The following TNIK variants were observed in gnomAD, a reference collection of about 807,000 sequenced individuals.
TNIK encodes TRAF2 and NCK-interacting protein kinase.
Under a neutral mutation model 191.3 loss-of-function variants are expected in TNIK, and 49 were observed. The ratio of observed to expected loss-of-function variants is 0.26; its 90% CI spans 0.20 to 0.32. TNIK has a LOEUF of 0.32. TNIK is among the 10% of genes least tolerant of loss of function. TNIK has a pLI of 1.00. For missense variants in TNIK, 1,155 were observed against 1,702.3 expected, an observed-to-expected ratio of 0.68 and a Z score of 5.66; for synonymous variants, 594 against 600.9, an observed-to-expected ratio of 0.99 and a Z score of 0.17.
At chr3:171,167,679 G>A (rs1734771684) in intron 9 of TNIK, among the ~76,000 whole-genome samples, 1 of 152,182 alleles carries the variant, frequency 6.6e-6, no homozygotes, top group Admixed American at 6.5e-5. Context: ...TATGTAGGAT[G>A]ACAGTGAAAA....
rs565661726 is a variant in TNIK, at chr3:171,168,690, G to A, written c.774-1420C>T. On this transcript the variant is annotated intron_variant, in intron 9 of 32. Transcript: ENST00000436636. ...TGGGGTTGCCCCAGGATGAATCAGC[G>A]TTGGCCACACTGTGGACTAGAAATA... Among the ~76,000 whole-genome samples the A allele has an allele frequency of 4.3e-4, 66 of 152,216 alleles. 2 individuals are homozygous for A. The highest frequency in any genetic ancestry group is 1.5e-3 in the African/African-American group (61 of 41,514).
intron 2 of TNIK, among the ~76,000 whole-genome samples, chr3:171,327,906 A>AAAAAAAAAAAC: frequency 1.8e-5 from 1 of 54,098 alleles, no homozygotes; most frequent in Non-Finnish European, 3.5e-5. Context: ...CTCATAAAAA[A>AAAAAAAAAAAC]AAAAAAAAAA....
At chr3:171,144,727 C>T (rs943467527) in intron 12 of TNIK, among the ~76,000 whole-genome samples, 3 of 152,186 alleles carry the variant, frequency 2.0e-5, no homozygotes, top group African/African-American at 4.8e-5. Context: ...TTATTCCTCT[C>T]GTCTATAGCT....
chr3:171,272,300 G>A (rs1217201644), intron 2 of TNIK, among the ~76,000 whole-genome samples: 1 of 152,196 alleles, frequency 6.6e-6, no homozygotes, highest in Non-Finnish European at 1.5e-5. Flanking sequence ...TGACAGAGAA[G>A]GCAATTGCAG....
intron 12 of TNIK, among the ~76,000 whole-genome samples, chr3:171,144,602 T>G (rs1319505824): frequency 7.0e-6 from 1 of 142,986 alleles, no homozygotes; most frequent in Non-Finnish European, 1.6e-5. Context: ...TCTACCATCT[T>G]AAACACTTAC....
intron 18 of TNIK, among the ~76,000 whole-genome samples, chr3:171,112,765 G>C (rs570877130): frequency 1.3e-5 from 2 of 151,882 alleles, no homozygotes; most frequent in South Asian, 4.2e-4. Flanking sequence ...ACTGCATTGT[G>C]AGCATATTCT....
rs2108988433 is a variant in TNIK at position 171,228,231 on chromosome 3, A to T, written c.124-10T>A. ...TTTTGACATGACGACCCTGTGAAGAAAAAATAATAACAAAAGATTTAGTTC... is the reference window on the plus strand; with the variant it reads ...TTTTGACATGACGACCCTGTGAAGATAAAATAATAACAAAAGATTTAGTTC... On this transcript the variant is annotated splice_polypyrimidine_tract_variant and intron_variant, in intron 2 of 32. Transcript: ENST00000436636. The T allele has an allele frequency of 1.2e-6, 2 of 1,613,468 alleles. No homozygotes were observed. The highest frequency in any genetic ancestry group is 2.7e-5 in the African/African-American group (2 of 75,016).
chr3:171,454,363 C>T (rs1422005936), intron 1 of TNIK, among the ~76,000 whole-genome samples: 2 of 151,912 alleles, frequency 1.3e-5, no homozygotes, highest in African/African-American at 2.4e-5. Flanking sequence ...GGGCAAGACT[C>T]GAAATTATAA....
At chr3:171,237,751 G>C (rs544251022) in intron 2 of TNIK, among the ~76,000 whole-genome samples, 12 of 152,026 alleles carry the variant, frequency 7.9e-5, no homozygotes, top group Non-Finnish European at 1.5e-4. Flanking sequence ...GTGAGACCCC[G>C]TCTCTATAAA....
intron 2 of TNIK, among the ~76,000 whole-genome samples, chr3:171,290,018 T>C (rs368410842): frequency 6.6e-6 from 1 of 152,210 alleles, no homozygotes; most frequent in Non-Finnish European, 1.5e-5. Flanking sequence ...TTTATTCCTC[T>C]GCACAGTGGA....
intron 15 of TNIK, 145 bp from the exon 16 acceptor site, chr3:171,129,023 C>G (rs1222457339): frequency 5.4e-6 from 7 of 1,303,020 alleles, no homozygotes; most frequent in African/African-American, 1.5e-5. Flanking sequence ...CTCTGTGCTG[C>G]ATCAAGAGTT....
At chr3:171,081,115 T>A (rs894153856) in intron 27 of TNIK, among the ~76,000 whole-genome samples, 6 of 152,200 alleles carry the variant, frequency 3.9e-5, no homozygotes, top group African/African-American at 1.4e-4. Flanking sequence ...CATTTTGATT[T>A]GGTAGTATAG....
At chr3:171,145,766 G>A (rs1458024197) in intron 12 of TNIK, among the ~76,000 whole-genome samples, 1 of 150,348 alleles carries the variant, frequency 6.7e-6, no homozygotes, top group African/African-American at 2.5e-5. Context: ...AAGGGCTGTG[G>A]AGTCAGTCTT....
chr3:171,157,194 A>T (rs561283694), intron 12 of TNIK, among the ~76,000 whole-genome samples: 1 of 152,332 alleles, frequency 6.6e-6, no homozygotes, highest in South Asian at 2.1e-4. Context: ...AGTAAAGCTG[A>T]GAAGGTGCTG....
intron 1 of TNIK, among the ~76,000 whole-genome samples, chr3:171,454,297 G>C (rs1371252345): frequency 1.3e-5 from 2 of 152,148 alleles, no homozygotes; most frequent in African/African-American, 4.8e-5. Context: ...GTCGAAACAA[G>C]AAGGGCACGG....
intron 23 of TNIK, among the ~76,000 whole-genome samples, chr3:171,091,480 C>T (rs1365645924): frequency 1.3e-5 from 2 of 152,062 alleles, no homozygotes; most frequent in Non-Finnish European, 2.9e-5. Flanking sequence ...TGGTAGCTCA[C>T]GCCTGTAATC....
intron 1 of TNIK, among the ~76,000 whole-genome samples, chr3:171,393,359 T>C (rs1242765803): frequency 6.6e-6 from 1 of 152,172 alleles, no homozygotes; most frequent in Non-Finnish European, 1.5e-5. Flanking sequence ...AGGCCCTAGA[T>C]TCAGGAAATA....
At chr3:171,231,875 G>T (rs867407962) in intron 2 of TNIK, among the ~76,000 whole-genome samples, 1 of 152,014 alleles carries the variant, frequency 6.6e-6, no homozygotes, top group African/African-American at 2.4e-5. Flanking sequence ...GCTAAACTTA[G>T]GACACTTTCT....
intron 23 of TNIK, 110 bp from the exon 24 acceptor site, chr3:171,087,616 G>C: frequency 8.8e-7 from 1 of 1,135,994 alleles, no homozygotes. Context: ...AACCCACTAG[G>C]GCATGAGAAG....
Sources: allele counts gnomAD v4.1 joint callset (sites outside exome capture counted in the v4.1 genomes callset), GRCh38; gene constraint gnomAD v4.1.1; transcripts MANE v1.5; gene names NCBI Gene and HGNC (gene_info 2026-07-23, HGNC 2026-07-21).